The following ADAM10 variants were observed in gnomAD, a reference collection of about 807,000 sequenced individuals.
ADAM10 encodes disintegrin and metalloproteinase domain-containing protein 10.
ADAM10 carries 17 observed loss-of-function variants against 90.1 expected under a neutral mutation model. The ratio of observed to expected loss-of-function variants is 0.19; its 90% CI spans 0.13 to 0.28. The LOEUF (loss-of-function observed/expected upper bound fraction) is 0.28, where lower values mean the gene tolerates loss of function less well. Among genes scored for constraint, ADAM10 ranks in the 10% least tolerant of loss-of-function variants. ADAM10 has a pLI of 1.00. For missense variants in ADAM10, 610 were observed against 914.3 expected, an observed-to-expected ratio of 0.67 and a Z score of 4.29; for synonymous variants, 310 against 298.6, an observed-to-expected ratio of 1.04 and a Z score of -0.40.
rs1310224094 is a variant in ADAM10, at chr15:58,593,810, A to C, written c.*3737T>G. 6.6e-6 allele frequency: 1 copy of C among 152,204 alleles called. No individual in the cohort carries two copies. 9.4% of individuals were successfully genotyped at this position (152,204 alleles called of 1,614,324 possible). A position where few individuals can be genotyped will look rare whatever the true frequency, so the allele number is the denominator to read the frequency against. On this transcript the variant is annotated 3_prime_UTR_variant, in exon 16 of 16. Coordinates refer to ENST00000260408, the MANE Select transcript of ADAM10 (RefSeq NM_001110.4). ...AACTTACCAATTATAAAATACATGA[A>C]TTTCTACTGAAAATAGTACATACAT...
chr15:58,638,148 A>G (rs1158406325), intron 8 of ADAM10, among the ~76,000 whole-genome samples: 2 of 152,148 alleles, frequency 1.3e-5, no homozygotes, highest in East Asian at 3.9e-4. Flanking sequence ...GATGGCTTCC[A>G]AGAGCTGAAG....
At chr15:58,699,408 C>T (rs1446458422) in intron 2 of ADAM10, among the ~76,000 whole-genome samples, 2 of 152,052 alleles carry the variant, frequency 1.3e-5, no homozygotes, top group African/African-American at 2.4e-5. Context: ...TCAAATGTTA[C>T]CACTAAAGAA....
At chr15:58,715,685 T>C (rs1382824562) in intron 2 of ADAM10, among the ~76,000 whole-genome samples, 5 of 152,170 alleles carry the variant, frequency 3.3e-5, no homozygotes, top group Non-Finnish European at 7.4e-5. Flanking sequence ...AGTAAACATT[T>C]TTTGGACAAC....
Position 58,749,690 on chromosome 15 carries a change from A to G in ADAM10, c.-156T>C. 1.4e-6 allele frequency: 2 copies of G among 1,436,758 alleles called. No homozygotes were observed. The highest frequency in any genetic ancestry group is 2.8e-5 in the East Asian group (1 of 35,516). 89.0% of individuals were successfully genotyped at this position (1,436,758 alleles called of 1,614,324 possible). A position where few individuals can be genotyped will look rare whatever the true frequency, so the allele number is the denominator to read the frequency against. On this transcript the variant is annotated 5_prime_UTR_variant, in exon 1 of 16. Transcript: ENST00000260408. ...CGGCGAAGCACCTCCCTCTCGCTCC[A>G]CTTCAGGGGCCGGCAACGCTCCTAG...
chr15:58,639,137 C>T (rs1896349365), intron 8 of ADAM10, among the ~76,000 whole-genome samples: 1 of 152,202 alleles, frequency 6.6e-6, no homozygotes, highest in Non-Finnish European at 1.5e-5. Flanking sequence ...TGTGAGCAAG[C>T]TTTAGAGACA....
At chr15:58,661,910 G>C (rs1204768282) in intron 5 of ADAM10, among the ~76,000 whole-genome samples, 2 of 151,978 alleles carry the variant, frequency 1.3e-5, no homozygotes, top group African/African-American at 2.4e-5. Context: ...TTTCACCCTA[G>C]AAGTTCCATT....
chr15:58,644,546 T>C (rs1445605206), intron 6 of ADAM10, among the ~76,000 whole-genome samples: 1 of 152,182 alleles, frequency 6.6e-6, no homozygotes, highest in East Asian at 1.9e-4. Context: ...ATACTCTTGT[T>C]TCAGTCACAT....
intron 14 of ADAM10, among the ~76,000 whole-genome samples, chr15:58,603,176 C>A (rs187473694): frequency 6.6e-6 from 1 of 152,140 alleles, no homozygotes; most frequent in Non-Finnish European, 1.5e-5. Context: ...GGATGATGTT[C>A]CCATTCCTTT....
intron 11 of ADAM10, among the ~76,000 whole-genome samples, chr15:58,618,863 A>C (rs1895696925): frequency 6.6e-6 from 1 of 152,192 alleles, no homozygotes; most frequent in South Asian, 2.1e-4. Flanking sequence ...ATAAATAAAG[A>C]TGCTGGCAAG....
At chr15:58,630,873 A>T (rs533613384) in intron 9 of ADAM10, among the ~76,000 whole-genome samples, 3 of 152,234 alleles carry the variant, frequency 2.0e-5, no homozygotes, top group South Asian at 4.1e-4. Context: ...TGTCCCCCCA[A>T]ATTTGATCCC....
intron 1 of ADAM10, among the ~76,000 whole-genome samples, chr15:58,728,994 C>T (rs1041777722): frequency 3.9e-5 from 6 of 152,148 alleles, no homozygotes; most frequent in African/African-American, 1.4e-4. Context: ...ATTGAGAAAA[C>T]AGCAACTAAG....
At chr15:58,679,374 A>G (rs1176910776) in intron 3 of ADAM10, 92 bp from the exon 4 acceptor site, 5 of 1,089,114 alleles carry the variant, frequency 4.6e-6, no homozygotes, top group African/African-American at 1.6e-5. Flanking sequence ...GTATATATAT[A>G]CACACATGCA....
At chr15:58,643,682 T>C (rs1189450819) in intron 7 of ADAM10, among the ~76,000 whole-genome samples, 2 of 152,204 alleles carry the variant, frequency 1.3e-5, no homozygotes, top group Non-Finnish European at 2.9e-5. Context: ...ACCTTATACA[T>C]TTAATTCTTA....
intron 1 of ADAM10, among the ~76,000 whole-genome samples, chr15:58,727,973 G>T (rs1407020841): frequency 6.6e-6 from 1 of 152,082 alleles, no homozygotes; most frequent in African/African-American, 2.4e-5. Flanking sequence ...TTCTGAACAA[G>T]CAGACAAAAA....
chr15:58,697,628 T>C (rs1353984885), intron 2 of ADAM10, among the ~76,000 whole-genome samples: 1 of 152,114 alleles, frequency 6.6e-6, no homozygotes, highest in Non-Finnish European at 1.5e-5. Context: ...ACAGACCACC[T>C]GGGAAACAGA....
chr15:58,668,090 T>C (rs1897117711), intron 4 of ADAM10, among the ~76,000 whole-genome samples: 1 of 152,104 alleles, frequency 6.6e-6, no homozygotes, highest in Non-Finnish European at 1.5e-5. Flanking sequence ...AGGGTTACTA[T>C]TGGCAGCCAA....
chr15:58,702,465 G>A (rs1403753545), intron 2 of ADAM10, among the ~76,000 whole-genome samples: 1 of 152,154 alleles, frequency 6.6e-6, no homozygotes, highest in Non-Finnish European at 1.5e-5. Context: ...GACTTGAAAT[G>A]TTCCCAACAC....
rs534870704 is a variant in ADAM10 at position 58,667,794 on chromosome 15, T to C, written c.485-2597A>G. ...TTTCTTTTGAGAAGAAATGAAAAGTTTGGAGACAGGAAAGAACTCCAAATG... is the reference window on the plus strand; with the variant it reads ...TTTCTTTTGAGAAGAAATGAAAAGTCTGGAGACAGGAAAGAACTCCAAATG... On this transcript the variant is annotated intron_variant, in intron 4 of 15. Transcript: ENST00000260408. 9.6e-4 allele frequency among the ~76,000 whole-genome samples: 146 copies of C among 151,972 alleles called. 1 individual carries two copies. Among genetic ancestry groups the C allele is most frequent in the African/African-American group, 3.4e-3 (143 of 41,478 alleles).
chr15:58,599,283 C>T (rs1483478343), intron 15 of ADAM10, among the ~76,000 whole-genome samples: 1 of 150,588 alleles, frequency 6.6e-6, no homozygotes, highest in Non-Finnish European at 1.5e-5. Flanking sequence ...AGTAGTTCAC[C>T]ATAATCATGG....
Sources: allele counts gnomAD v4.1 joint callset (sites outside exome capture counted in the v4.1 genomes callset), GRCh38; gene constraint gnomAD v4.1.1; transcripts MANE v1.5; gene names NCBI Gene and HGNC (gene_info 2026-07-23, HGNC 2026-07-21).